Variants in NKAIN3 observed in about 807,000 individuals in gnomAD.
The protein encoded by NKAIN3 is sodium/potassium-transporting ATPase subunit beta-1-interacting protein 3.
NKAIN3 carries 25 observed loss-of-function variants against 30.2 expected under a neutral mutation model. The observed-to-expected ratio is 0.83, with a 90% CI of 0.60 to 1.16. NKAIN3 has a LOEUF of 1.16. Among genes scored for constraint, NKAIN3 ranks in the 50% most tolerant of loss-of-function variants. NKAIN3 has a pLI of 0.00. For synonymous variants in NKAIN3, 91 were observed against 89.6 expected, an observed-to-expected ratio of 1.02 and a Z score of -0.09; for missense variants, 225 against 254.1, an observed-to-expected ratio of 0.89 and a Z score of 0.78.
intron 1 of NKAIN3, among the ~76,000 whole-genome samples, chr8:62,552,047 A>G (rs1251445014): frequency 6.6e-6 from 1 of 152,204 alleles, no homozygotes; most frequent in Admixed American, 6.5e-5. Context: ...TTTACTAGAC[A>G]CATAACTATT....
intron 4 of NKAIN3, among the ~76,000 whole-genome samples, chr8:62,899,348 T>A: frequency 6.6e-6 from 1 of 152,196 alleles, no homozygotes; most frequent in Admixed American, 6.5e-5. Flanking sequence ...CATCAACAAA[T>A]GAATGGATAA....
intron 1 of NKAIN3, among the ~76,000 whole-genome samples, chr8:62,347,518 G>A (rs117994398): frequency 0.03 from 4,613 of 152,064 alleles, 109 homozygotes; most frequent in Non-Finnish European, 0.044. Flanking sequence ...TTACCTTAAG[G>A]AAGATCAAAA....
At chr8:62,931,362 T>C (rs1224175797) in intron 5 of NKAIN3, among the ~76,000 whole-genome samples, 1 of 152,224 alleles carries the variant, frequency 6.6e-6, no homozygotes, top group Admixed American at 6.5e-5. Context: ...CTAACAAATC[T>C]AATATAATCC....
At position 62,967,225 on chromosome 8, in the gene NKAIN3, A is replaced by C. The variant is rs1321406387; in HGVS notation, c.*1818A>C. 6.6e-6 allele frequency among the ~76,000 whole-genome samples: 1 copy of C among 152,180 alleles called. No homozygotes were observed. Among genetic ancestry groups the C allele is most frequent in the African/African-American group, 2.4e-5 (1 of 41,448 alleles). On this transcript the variant is annotated 3_prime_UTR_variant, in exon 7 of 7. Transcript: ENST00000623646. ...TTGTCCAGAGCCTGTATCTGTACAC[A>C]GGGGCAAGAGCCATAGCCAGTGGAC...
intron 1 of NKAIN3, among the ~76,000 whole-genome samples, chr8:62,500,264 C>T (rs1476327383): frequency 3.3e-5 from 5 of 152,024 alleles, no homozygotes; most frequent in Non-Finnish European, 7.4e-5. Flanking sequence ...ACCAGTGTTC[C>T]TTGAATCTTG....
chr8:62,708,186 T>C (rs1014875911), intron 3 of NKAIN3, among the ~76,000 whole-genome samples: 3 of 152,190 alleles, frequency 2.0e-5, no homozygotes. Context: ...TCTTTTTGCT[T>C]AGTCTTGCTT....
At chr8:62,661,156 C>G (rs1586061305) in intron 3 of NKAIN3, among the ~76,000 whole-genome samples, 2 of 152,130 alleles carry the variant, frequency 1.3e-5, no homozygotes, top group Admixed American at 1.3e-4. Flanking sequence ...GCCATCCTTC[C>G]AGGCTGATTA....
At chr8:62,459,642 T>C (rs1040456289) in intron 1 of NKAIN3, among the ~76,000 whole-genome samples, 1 of 152,152 alleles carries the variant, frequency 6.6e-6, no homozygotes, top group African/African-American at 2.4e-5. Context: ...AATGTTACTT[T>C]AGTAAGGTCA....
At chr8:62,869,761 C>CTGTTTTT (rs1820535021) in intron 4 of NKAIN3, among the ~76,000 whole-genome samples, 1 of 151,326 alleles carries the variant, frequency 6.6e-6, no homozygotes, top group African/African-American at 2.4e-5. Context: ...TTGTTTGTTT[C>CTGTTTTT]TGTTTTTGTT....
At chr8:62,534,080 T>G (rs923535069) in intron 1 of NKAIN3, among the ~76,000 whole-genome samples, 3 of 152,180 alleles carry the variant, frequency 2.0e-5, no homozygotes, top group African/African-American at 4.8e-5. Flanking sequence ...CTGAATTTTC[T>G]GAGTCTCTCT....
intron 4 of NKAIN3, among the ~76,000 whole-genome samples, chr8:62,796,222 A>G (rs1269040875): frequency 6.6e-6 from 1 of 151,780 alleles, no homozygotes; most frequent in South Asian, 2.1e-4. Context: ...CATCTCTACT[A>G]AAAATACAAA....
At chr8:62,916,411 G>T (rs1377103714) in intron 4 of NKAIN3, among the ~76,000 whole-genome samples, 1 of 152,140 alleles carries the variant, frequency 6.6e-6, no homozygotes, top group Non-Finnish European at 1.5e-5. Context: ...GAAATCTATT[G>T]TAAAGTTATT....
intron 4 of NKAIN3, among the ~76,000 whole-genome samples, chr8:62,804,685 G>A (rs1818207085): frequency 6.6e-6 from 1 of 152,142 alleles, no homozygotes. Flanking sequence ...CAAACCCACA[G>A]CCAATATCAT....
chr8:62,995,675 G>T (rs977829044), intron 5 of NKAIN3, among the ~76,000 whole-genome samples: 1 of 145,220 alleles, frequency 6.9e-6, no homozygotes, highest in Non-Finnish European at 1.5e-5. Context: ...AAGGAAAAAA[G>T]GCTAGATGAC....
At chr8:62,807,763 G>C (rs1371874762) in intron 4 of NKAIN3, among the ~76,000 whole-genome samples, 1 of 147,888 alleles carries the variant, frequency 6.8e-6, no homozygotes, top group Non-Finnish European at 1.5e-5. Flanking sequence ...ATGGTGGCCA[G>C]GAAGATATAT....
At chr8:62,267,848 A>G (rs1339442321) in intron 1 of NKAIN3, among the ~76,000 whole-genome samples, 1 of 152,236 alleles carries the variant, frequency 6.6e-6, no homozygotes, top group African/African-American at 2.4e-5. Flanking sequence ...CAAGTAGCCA[A>G]GTAATTAAGA....
chr8:62,654,446 A>C (rs990225549), intron 3 of NKAIN3, among the ~76,000 whole-genome samples: 2 of 152,164 alleles, frequency 1.3e-5, no homozygotes, highest in Non-Finnish European at 2.9e-5. Flanking sequence ...GGCTTAAACA[A>C]ATCCACTGTC....
chr8:62,515,378 C>A (rs1371710993), intron 1 of NKAIN3, among the ~76,000 whole-genome samples: 8 of 152,064 alleles, frequency 5.3e-5, no homozygotes, highest in Admixed American at 5.3e-4. Flanking sequence ...ATAGCATAAA[C>A]CTTTCACATT....
chr8:62,329,543 C>A (rs1200022676), intron 1 of NKAIN3, among the ~76,000 whole-genome samples: 1 of 152,102 alleles, frequency 6.6e-6, no homozygotes, highest in Non-Finnish European at 1.5e-5. Flanking sequence ...TCTTTGCAAT[C>A]ATGTGTATTC....
Sources: gnomAD v4.1 joint callset for allele counts (sites outside exome capture counted in the v4.1 genomes callset) on GRCh38, gnomAD v4.1.1 for gene constraint, MANE v1.5 for transcripts, NCBI Gene and HGNC (gene_info 2026-07-23, HGNC 2026-07-21) for gene names.